Variants in BLTP1 observed in about 807,000 individuals in gnomAD.
BLTP1 encodes the protein bridge-like lipid transfer protein family member 1.
At chr4:122,168,332 C>T in the BLTP1 span, among the ~76,000 whole-genome samples, 1 of 152,046 alleles carries the variant, frequency 6.6e-6, no homozygotes, top group African/African-American at 2.4e-5. Context: ...GGTCCTTTCC[C>T]CTTGAATTTG....
chr4:122,264,078 TAAATC>T, the BLTP1 span: 1 of 913,082 alleles, frequency 1.1e-6, no homozygotes, highest in African/African-American at 1.8e-5. Context: ...TTTTCACTAA[TAAATC>T]ATGTCTGTAA....
the BLTP1 span, among the ~76,000 whole-genome samples, chr4:122,153,411 A>G: frequency 6.6e-6 from 1 of 152,224 alleles, no homozygotes; most frequent in Non-Finnish European, 1.5e-5. Flanking sequence ...ATTGAGTGGT[A>G]CATATAATTA....
chr4:122,192,356 T>C, the BLTP1 span: 9 of 1,612,404 alleles, frequency 5.6e-6, no homozygotes, highest in Middle Eastern at 1.6e-4. Context: ...ATTTTAATTA[T>C]GGACCATGGG....
the BLTP1 span, among the ~76,000 whole-genome samples, chr4:122,214,939 A>G: frequency 2.0e-5 from 3 of 152,064 alleles, no homozygotes; most frequent in South Asian, 6.2e-4. Flanking sequence ...GAAATTAACT[A>G]ATAGATTTGG....
At chr4:122,300,363 C>G in the BLTP1 span, among the ~76,000 whole-genome samples, 1 of 152,238 alleles carries the variant, frequency 6.6e-6, no homozygotes, top group African/African-American at 2.4e-5. Context: ...ATCCTTAATA[C>G]TTTACTTTCC....
chr4:122,256,098 T>C, the BLTP1 span: 1 of 983,082 alleles, frequency 1.0e-6, no homozygotes, highest in East Asian at 1.1e-4. Flanking sequence ...TTTAGAACTT[T>C]TAGGATCTCT....
At chr4:122,342,194 G>A in the BLTP1 span, among the ~76,000 whole-genome samples, 2 of 152,120 alleles carry the variant, frequency 1.3e-5, no homozygotes, top group Non-Finnish European at 2.9e-5. Flanking sequence ...AATTGCTTAA[G>A]CTAGAATGGC....
the BLTP1 span, among the ~76,000 whole-genome samples, chr4:122,323,534 G>A: frequency 1.3e-5 from 2 of 151,644 alleles, no homozygotes; most frequent in Non-Finnish European, 2.9e-5. Context: ...CAAAGGAAAG[G>A]GGAAAGTTTG....
the BLTP1 span, chr4:122,289,638 A>C: frequency 1.5e-5 from 15 of 984,736 alleles, no homozygotes; most frequent in African/African-American, 2.4e-4. Flanking sequence ...GAGCTTAGTC[A>C]TTGCTCTACA....
chr4:122,331,320 C>G, the BLTP1 span: 1 of 1,606,138 alleles, frequency 6.2e-7, no homozygotes, highest in Non-Finnish European at 8.5e-7. Flanking sequence ...ATTGTTCTTT[C>G]TGTAGACATA....
the BLTP1 span, chr4:122,288,939 T>C: frequency 2.1e-6 from 2 of 950,582 alleles, no homozygotes; most frequent in Non-Finnish European, 3.0e-6. Flanking sequence ...TTAGGAACGC[T>C]GAATATTTTT....
At chr4:122,257,523 T>C in the BLTP1 span, 1 of 1,607,304 alleles carries the variant, frequency 6.2e-7, no homozygotes, top group Non-Finnish European at 8.5e-7. Context: ...TATTGAGTAC[T>C]TTCTTACACC....
chr4:122,228,036 C>T, the BLTP1 span, among the ~76,000 whole-genome samples: 11 of 151,858 alleles, frequency 7.2e-5, no homozygotes. Context: ...GCCTCAGCCT[C>T]CCGAGTAGCT....
the BLTP1 span, chr4:122,245,020 A>G: frequency 6.2e-7 from 1 of 1,607,646 alleles, no homozygotes; most frequent in Non-Finnish European, 8.5e-7. Flanking sequence ...TTCCCCTCAG[A>G]TATATTGAAG....
chr4:122,282,684 C>CA, the BLTP1 span, among the ~76,000 whole-genome samples: 6 of 152,106 alleles, frequency 3.9e-5, no homozygotes, highest in African/African-American at 1.2e-4. Flanking sequence ...TTACTGCTAT[C>CA]ATGAATTTTG....
chr4:122,336,233 T>C, the BLTP1 span: 5 of 1,610,560 alleles, frequency 3.1e-6, no homozygotes, highest in African/African-American at 2.7e-5. Context: ...AGCCAAGTTA[T>C]ATGCCTGGGT....
chr4:122,332,684 GGTTA>G, the BLTP1 span, among the ~76,000 whole-genome samples: 4 of 144,002 alleles, frequency 2.8e-5, no homozygotes, highest in African/African-American at 7.7e-5. Context: ...ACATTGTGCA[GGTTA>G]GTTACATATG....
the BLTP1 span, chr4:122,237,530 C>T: frequency 2.3e-6 from 1 of 428,094 alleles, no homozygotes; most frequent in Non-Finnish European, 3.1e-6. Context: ...TAAGTAAATC[C>T]GAATAGAAGA....
chr4:122,202,551 C>T, the BLTP1 span: 3 of 970,232 alleles, frequency 3.1e-6, no homozygotes, highest in Non-Finnish European at 3.7e-6. Context: ...ACCTCTTTGA[C>T]TAGCCTTTTG....
Sources: gnomAD v4.1 joint callset for allele counts (sites outside exome capture counted in the v4.1 genomes callset) on GRCh38, gnomAD v4.1.1 for gene constraint, MANE v1.5 for transcripts, NCBI Gene and HGNC (gene_info 2026-07-23, HGNC 2026-07-21) for gene names.